Variants in CA10 observed in about 807,000 individuals in gnomAD.
The protein encoded by CA10 is carbonic anhydrase-related protein 10.
In CA10, 14 loss-of-function variants were observed where a neutral mutation model predicts 44.2. The observed-to-expected ratio is 0.32, with a 90% CI of 0.21 to 0.50. CA10 has a LOEUF of 0.50. Ranked by LOEUF, CA10 falls within the 20% of genes least tolerant of loss-of-function variation. The probability of loss-of-function intolerance (pLI) is 0.99; values close to 1 mark genes in which losing one functional copy is unlikely to be tolerated. For synonymous variants in CA10, 159 were observed against 141.6 expected, an observed-to-expected ratio of 1.12 and a Z score of -0.87; for missense variants, 350 against 409.7, an observed-to-expected ratio of 0.85 and a Z score of 1.26.
chr17:52,136,688 C>A (rs879783388), intron 1 of CA10, among the ~76,000 whole-genome samples: 1 of 152,078 alleles, frequency 6.6e-6, no homozygotes, highest in Non-Finnish European at 1.5e-5. Flanking sequence ...CCTCTGCCCC[C>A]CTTTCTGAGC....
At chr17:52,153,070 T>C (rs1395776620) in intron 1 of CA10, among the ~76,000 whole-genome samples, 1 of 152,130 alleles carries the variant, frequency 6.6e-6, no homozygotes, top group Non-Finnish European at 1.5e-5. Flanking sequence ...AACTGAGACA[T>C]TAGTTACTGA....
At chr17:51,940,926 T>TA (rs2144015744) in intron 2 of CA10, among the ~76,000 whole-genome samples, 1 of 152,204 alleles carries the variant, frequency 6.6e-6, no homozygotes, top group South Asian at 2.1e-4. Context: ...ATCAAAACAA[T>TA]AAAATTAGCA....
At chr17:51,846,897 C>A (rs1472916687) in intron 3 of CA10, among the ~76,000 whole-genome samples, 1 of 152,124 alleles carries the variant, frequency 6.6e-6, no homozygotes, top group African/African-American at 2.4e-5. Context: ...TGACAGGGAT[C>A]AATGTAGCAC....
rs372204851 is a variant in CA10, at chr17:51,812,230, C to T, written c.280-64412G>A. Among the ~76,000 whole-genome samples, 7 of 152,204 alleles carry T rather than the reference C, an allele frequency of 4.6e-5. No homozygotes were observed. In the East Asian group the frequency reaches 9.6e-4, roughly 21 times the overall value. On this transcript the variant is annotated intron_variant, in intron 3 of 8. Transcript: ENST00000451037. ...ACTACTACAAATTAAGTTATATAAA[C>T]TTATAATTGAAGACATTTAAAGATA...
intron 3 of CA10, among the ~76,000 whole-genome samples, chr17:51,831,467 G>A (rs1481866272): frequency 1.3e-5 from 2 of 152,052 alleles, no homozygotes; most frequent in Non-Finnish European, 2.9e-5. Context: ...GTATCAGTAA[G>A]GATTCAGCCT....
At chr17:51,937,865 A>G (rs1241168351) in intron 2 of CA10, among the ~76,000 whole-genome samples, 1 of 152,138 alleles carries the variant, frequency 6.6e-6, no homozygotes, top group African/African-American at 2.4e-5. Context: ...AGAGTGCATT[A>G]TTTTAATCCT....
At chr17:52,012,016 G>C (rs1347587165) in intron 2 of CA10, among the ~76,000 whole-genome samples, 1 of 151,938 alleles carries the variant, frequency 6.6e-6, no homozygotes, top group Non-Finnish European at 1.5e-5. Flanking sequence ...ATAAGGGAGG[G>C]ATTAGCCAAG....
intron 3 of CA10, among the ~76,000 whole-genome samples, chr17:51,857,619 G>C (rs16950654): frequency 2.0e-5 from 3 of 152,056 alleles, no homozygotes; most frequent in South Asian, 2.1e-4. Flanking sequence ...ACTTACTATC[G>C]CAACAAACTA....
intron 3 of CA10, among the ~76,000 whole-genome samples, chr17:51,907,705 G>A (rs570695081): frequency 3.3e-5 from 5 of 152,120 alleles, no homozygotes; most frequent in East Asian, 1.9e-4. Flanking sequence ...GGGTTCCCTC[G>A]CCACAATGGG....
intron 2 of CA10, among the ~76,000 whole-genome samples, chr17:51,963,135 C>T (rs1480173463): frequency 2.0e-5 from 3 of 151,986 alleles, no homozygotes; most frequent in African/African-American, 4.8e-5. Context: ...AAAGCTTTAA[C>T]AATAGACTGG....
chr17:52,034,331 A>ATATG (rs2144178920), intron 2 of CA10, among the ~76,000 whole-genome samples: 1 of 152,306 alleles, frequency 6.6e-6, no homozygotes, highest in South Asian at 2.1e-4. Context: ...TATATATTAA[A>ATATG]TATGTACAGC....
chr17:51,977,175 C>T (rs1984492528), intron 2 of CA10, among the ~76,000 whole-genome samples: 1 of 151,886 alleles, frequency 6.6e-6, no homozygotes, highest in South Asian at 2.1e-4. Context: ...GAAATCTTCG[C>T]ATTTTATTTT....
chr17:51,820,402 C>T (rs1436902423), intron 3 of CA10, among the ~76,000 whole-genome samples: 1 of 60,842 alleles, frequency 1.6e-5, no homozygotes, highest in African/African-American at 8.7e-5. Context: ...TGGGGATTCC[C>T]CTACCCCCCC....
At chr17:51,762,952 C>A (rs1433505510) in intron 3 of CA10, 1 of 152,238 alleles carries the variant, frequency 6.6e-6, no homozygotes, top group Non-Finnish European at 1.5e-5. Context: ...ACTCTTGGTG[C>A]CTCCTCTGTG....
chr17:51,808,173 G>C (rs1008194390), intron 3 of CA10, among the ~76,000 whole-genome samples: 1 of 152,120 alleles, frequency 6.6e-6, no homozygotes, highest in African/African-American at 2.4e-5. Flanking sequence ...GCTTGAAAAA[G>C]CTGCTGGTTT....
intron 3 of CA10, among the ~76,000 whole-genome samples, chr17:51,758,979 C>T (rs1230219463): frequency 6.6e-6 from 1 of 152,142 alleles, no homozygotes. Flanking sequence ...CTGTGCTTCT[C>T]TTAAGTGTCA....
At chr17:51,896,413 A>G (rs928952127) in intron 3 of CA10, among the ~76,000 whole-genome samples, 1 of 152,090 alleles carries the variant, frequency 6.6e-6, no homozygotes, top group Non-Finnish European at 1.5e-5. Flanking sequence ...ACTGCAAAGG[A>G]CATGATCTCA....
chr17:52,065,112 A>G (rs143771253), intron 2 of CA10, among the ~76,000 whole-genome samples: 1 of 152,114 alleles, frequency 6.6e-6, no homozygotes, highest in Non-Finnish European at 1.5e-5. Flanking sequence ...TTTCTCATAC[A>G]TGTCATGCCC....
chr17:52,143,798 G>C (rs551383418), intron 1 of CA10, among the ~76,000 whole-genome samples: 9 of 152,200 alleles, frequency 5.9e-5, no homozygotes, highest in African/African-American at 2.2e-4. Flanking sequence ...CTCTACCAAC[G>C]AGCTTGGAGG....
Sources: gnomAD v4.1 joint callset for allele counts (sites outside exome capture counted in the v4.1 genomes callset) on GRCh38, gnomAD v4.1.1 for gene constraint, MANE v1.5 for transcripts, NCBI Gene and HGNC (gene_info 2026-07-23, HGNC 2026-07-21) for gene names.